CTNNA2: variants seen among roughly 807,000 people sequenced by gnomAD.
CTNNA2 encodes catenin alpha 2, also known as catenin alpha-2.
CTNNA2 carries 42 observed loss-of-function variants against 101.0 expected under a neutral mutation model. That is an observed-to-expected ratio of 0.42 (90% confidence interval 0.32 to 0.54). The LOEUF is 0.54. CTNNA2 is among the 20% of genes least tolerant of loss of function. CTNNA2 has a pLI of 0.14. For missense variants in CTNNA2, 871 were observed against 1,223.1 expected, an observed-to-expected ratio of 0.71 and a Z score of 4.29; for synonymous variants, 450 against 456.4, an observed-to-expected ratio of 0.99 and a Z score of 0.18.
intron 9 of CTNNA2, among the ~76,000 whole-genome samples, chr2:80,473,265 C>T (rs1172600492): frequency 1.3e-5 from 2 of 152,128 alleles, no homozygotes; most frequent in Non-Finnish European, 2.9e-5. Context: ...ACAGAGGAGC[C>T]AAAGGCTACA....
chr2:79,720,760 G>A (rs939472620), intron 2 of CTNNA2, among the ~76,000 whole-genome samples: 2 of 152,060 alleles, frequency 1.3e-5, no homozygotes, highest in Admixed American at 1.3e-4. Flanking sequence ...CTGTTTATCA[G>A]TTCTAATAGC....
rs529792213 is a variant in CTNNA2 at position 79,877,087 on chromosome 2, T to A, written c.852+2745T>A. Among the ~76,000 whole-genome samples, 5 of 151,730 alleles carry A rather than the reference T, an allele frequency of 3.3e-5. No individual in the cohort carries two copies. The South Asian group carries it at 6.2e-4, about 19-fold the overall frequency. On this transcript the variant is annotated intron_variant, in intron 6 of 18. Coordinates refer to ENST00000402739, the MANE Select transcript of CTNNA2 (RefSeq NM_001282597.3). ...AGTATATTATATATGAATGAAAAAATTATATTTTATATTAGCTAAGTATAT... is the reference window on the plus strand; with the variant it reads ...AGTATATTATATATGAATGAAAAAAATATATTTTATATTAGCTAAGTATAT...
At chr2:79,225,210 T>C (rs1022259304) in intron 2 of CTNNA2, among the ~76,000 whole-genome samples, 3 of 152,162 alleles carry the variant, frequency 2.0e-5, no homozygotes, top group Admixed American at 6.6e-5. Flanking sequence ...GAAATTTTCA[T>C]GAAACAGGGG....
At chr2:80,352,026 T>C (rs1316450010) in intron 7 of CTNNA2, among the ~76,000 whole-genome samples, 1 of 152,158 alleles carries the variant, frequency 6.6e-6, no homozygotes, top group Non-Finnish European at 1.5e-5. Flanking sequence ...GCTATGCTTT[T>C]GTTCTTTCAT....
At chr2:79,879,598 T>A (rs1466810913) in intron 6 of CTNNA2, among the ~76,000 whole-genome samples, 1 of 152,012 alleles carries the variant, frequency 6.6e-6, no homozygotes, top group African/African-American at 2.4e-5. Context: ...TGGGAGTTCA[T>A]TCATGATTTG....
intron 1 of CTNNA2, among the ~76,000 whole-genome samples, chr2:79,525,064 A>G (rs1672329626): frequency 6.6e-6 from 1 of 151,846 alleles, no homozygotes; most frequent in South Asian, 2.1e-4. Context: ...AAGTGACTTT[A>G]TTGTTTGGAT....
intron 7 of CTNNA2, among the ~76,000 whole-genome samples, chr2:80,370,003 G>T (rs980452559): frequency 3.3e-5 from 5 of 152,138 alleles, no homozygotes; most frequent in African/African-American, 1.2e-4. Context: ...CTGGTAATTT[G>T]TTATGACAGC....
At chr2:79,529,518 T>C (rs1195671147) in intron 1 of CTNNA2, among the ~76,000 whole-genome samples, 2 of 152,006 alleles carry the variant, frequency 1.3e-5, no homozygotes, top group Non-Finnish European at 2.9e-5. Context: ...GTTATAGCTG[T>C]GGAAGTAGAT....
chr2:80,135,092 G>A (rs1046485421), intron 7 of CTNNA2, among the ~76,000 whole-genome samples: 4 of 152,110 alleles, frequency 2.6e-5, no homozygotes, highest in African/African-American at 9.7e-5. Flanking sequence ...TAAATATAAT[G>A]CTCTGCATTA....
intron 2 of CTNNA2, among the ~76,000 whole-genome samples, chr2:79,705,832 A>G (rs1685319746): frequency 6.6e-6 from 1 of 152,232 alleles, no homozygotes; most frequent in African/African-American, 2.4e-5. Flanking sequence ...CAGAGATTAA[A>G]AAGAGTATGC....
chr2:80,263,326 G>A (rs953157684), intron 7 of CTNNA2, among the ~76,000 whole-genome samples: 1 of 152,180 alleles, frequency 6.6e-6, no homozygotes, highest in Non-Finnish European at 1.5e-5. Flanking sequence ...ATTTTGTGAA[G>A]TGAATTTATA....
chr2:80,473,542 A>G (rs11126767), intron 9 of CTNNA2, among the ~76,000 whole-genome samples: 68,339 of 151,970 alleles, frequency 0.45, 17,995 homozygotes, highest in East Asian at 0.75. Flanking sequence ...AATTCATGCT[A>G]AAATGAAAGT....
chr2:79,276,091 G>A (rs776545988), intron 2 of CTNNA2, among the ~76,000 whole-genome samples: 28 of 151,950 alleles, frequency 1.8e-4, no homozygotes, highest in Non-Finnish European at 3.2e-4. Context: ...AACAGAATAC[G>A]CAAATAAACT....
chr2:79,896,440 C>T (rs1306589094), intron 6 of CTNNA2, among the ~76,000 whole-genome samples: 1 of 152,206 alleles, frequency 6.6e-6, no homozygotes, highest in Non-Finnish European at 1.5e-5. Flanking sequence ...ATATATTCAT[C>T]TGCAAATATT....
intron 9 of CTNNA2, among the ~76,000 whole-genome samples, chr2:80,427,079 C>A (rs905932267): frequency 6.6e-6 from 1 of 152,044 alleles, no homozygotes; most frequent in Non-Finnish European, 1.5e-5. Flanking sequence ...TACAACCCAG[C>A]TCCTAGCCAA....
intron 1 of CTNNA2, among the ~76,000 whole-genome samples, chr2:79,647,103 G>A (rs1045946748): frequency 6.6e-6 from 1 of 152,096 alleles, no homozygotes; most frequent in Non-Finnish European, 1.5e-5. Context: ...GGTATTAATT[G>A]CACAGATGGG....
chr2:80,204,602 A>G (rs918843184), intron 7 of CTNNA2, among the ~76,000 whole-genome samples: 34 of 152,066 alleles, frequency 2.2e-4, no homozygotes, highest in African/African-American at 7.2e-4. Context: ...ATTTTTTGTC[A>G]AAGACATTCA....
intron 2 of CTNNA2, among the ~76,000 whole-genome samples, chr2:79,244,578 T>C: frequency 6.6e-6 from 1 of 152,186 alleles, no homozygotes; most frequent in Non-Finnish European, 1.5e-5. Context: ...AGTAAACATG[T>C]AGAAAGACAG....
chr2:79,532,650 C>T (rs1435929288), intron 1 of CTNNA2, among the ~76,000 whole-genome samples: 4 of 151,810 alleles, frequency 2.6e-5, no homozygotes, highest in East Asian at 2.0e-4. Context: ...ATCCAAAAAC[C>T]GCCAAGCTGC....
Sources: gnomAD v4.1 joint callset for allele counts (sites outside exome capture counted in the v4.1 genomes callset) on GRCh38, gnomAD v4.1.1 for gene constraint, MANE v1.5 for transcripts, NCBI Gene and HGNC (gene_info 2026-07-23, HGNC 2026-07-21) for gene names.